The following PHKB variants were observed in gnomAD, a reference collection of about 807,000 sequenced individuals.
PHKB encodes phosphorylase b kinase regulatory subunit beta.
PHKB carries 122 observed loss-of-function variants against 152.1 expected under a neutral mutation model. The observed-to-expected ratio is 0.80, with a 90% CI of 0.69 to 0.93. The LOEUF (loss-of-function observed/expected upper bound fraction) is 0.93. Ranked by LOEUF, PHKB falls within the 40% of genes least tolerant of loss-of-function variation. The pLI, the probability that PHKB is intolerant of heterozygous loss-of-function variation, is 0.00. For missense variants in PHKB, 1,304 were observed against 1,328.4 expected (o/e 0.98, Z 0.29); for synonymous variants, 436 against 464.9 (o/e 0.94, Z 0.80).
intron 20 of PHKB, among the ~76,000 whole-genome samples, chr16:47,658,458 A>G (rs1294850172): frequency 1.3e-5 from 2 of 152,026 alleles, no homozygotes; most frequent in African/African-American, 4.8e-5. Flanking sequence ...AAATACATAT[A>G]TGTAGTATTA....
chr16:47,628,418 G>A (rs1972751666), intron 14 of PHKB, among the ~76,000 whole-genome samples: 1 of 152,238 alleles, frequency 6.6e-6, no homozygotes, highest in East Asian at 1.9e-4. Context: ...TGCAGTCCCA[G>A]CTACTTGGGA....
chr16:47,513,438 A>C (rs1970543615), intron 5 of PHKB, among the ~76,000 whole-genome samples: 1 of 152,134 alleles, frequency 6.6e-6, no homozygotes, highest in Admixed American at 6.5e-5. Context: ...AGTCTAAAAA[A>C]CCTAAAAGAT....
intron 3 of PHKB, among the ~76,000 whole-genome samples, chr16:47,500,332 C>T (rs1970304348): frequency 6.6e-6 from 1 of 152,146 alleles, no homozygotes; most frequent in African/African-American, 2.4e-5. Flanking sequence ...CCATGCCCAG[C>T]CTAAACCGTT....
rs200631394 is a variant in PHKB, at chr16:47,610,954, G to A, written c.1458+34G>A. ...TTATTCTATTTCTTGATTTAGACTC[G>A]TCCAGAGACATTTAAGCTTAATTGA... On this transcript the variant is annotated intron_variant, in intron 14 of 30. Coordinates refer to ENST00000323584, the MANE Select transcript of PHKB (RefSeq NM_000293.3). 6.4e-5 allele frequency: 81 copies of A among 1,265,612 alleles called. No individual in the cohort carries two copies. The African/African-American group carries it at 7.6e-4, about 12-fold the overall frequency. 78.4% of individuals were successfully genotyped at this position (1,265,612 alleles called of 1,614,324 possible). A position where few individuals can be genotyped will look rare whatever the true frequency, so the allele number is the denominator to read the frequency against.
At position 47,669,415 on chromosome 16, in the gene PHKB, C is replaced by T. The variant is rs17812908; in HGVS notation, c.2628C>T (p.Ile876=). 1.4e-5 allele frequency: 22 copies of T among 1,613,492 alleles called. No homozygotes were observed. The highest frequency in any genetic ancestry group is 1.2e-4 in the African/African-American group (9 of 74,880). ...TCAGTGGCATGCTGAAAATACGAATCGGGTGAGTGAAGTCCTTTGCATTTG... is the reference window on the plus strand; with the variant it reads ...TCAGTGGCATGCTGAAAATACGAATTGGGTGAGTGAAGTCCTTTGCATTTG... ...ELFSGMLKIR[I]GWIIHAMEYE... Residue 876 remains isoleucine (I), a splice_region_variant and synonymous_variant, in exon 26 of 31, where the codon ATC becomes ATT. Transcript: ENST00000323584.
chr16:47,638,643 G>A lies in PHKB; in HGVS notation c.1459-2392G>A, dbSNP rs918349052. On this transcript the variant is annotated intron_variant, in intron 14 of 30. Transcript: ENST00000323584. ...AAAGATACCAGTAAAATACTTTTAC[G>A]TGATAATAAACACACATGTGAAAAC... 3.9e-5 allele frequency among the ~76,000 whole-genome samples: 6 copies of A among 152,262 alleles called. No homozygotes were observed. In the East Asian group the frequency reaches 5.8e-4, roughly 15 times the overall value.
At chr16:47,469,463 G>T (rs1969726309) in intron 1 of PHKB, among the ~76,000 whole-genome samples, 1 of 152,142 alleles carries the variant, frequency 6.6e-6, no homozygotes, top group Non-Finnish European at 1.5e-5. Flanking sequence ...CATGAATACA[G>T]CTGGAGGCCA....
chr16:47,540,360 C>A (rs917614452), intron 6 of PHKB, among the ~76,000 whole-genome samples: 4 of 150,410 alleles, frequency 2.7e-5, no homozygotes, highest in Admixed American at 1.3e-4. Flanking sequence ...GAACATAGAC[C>A]CTTATCAGTA....
chr16:47,629,626 G>A (rs1005768786), intron 14 of PHKB, among the ~76,000 whole-genome samples: 1 of 151,098 alleles, frequency 6.6e-6, no homozygotes, highest in Non-Finnish European at 1.5e-5. Context: ...CGATTCCTCA[G>A]GGATCTAGAA....
intron 6 of PHKB, among the ~76,000 whole-genome samples, chr16:47,518,309 T>C (rs1399574494): frequency 7.2e-5 from 11 of 152,210 alleles, no homozygotes; most frequent in Admixed American, 7.2e-4. Flanking sequence ...TAATGAAATA[T>C]AGGTACTGCA....
chr16:47,667,472 A>C (rs939541773), intron 25 of PHKB, among the ~76,000 whole-genome samples: 1 of 152,156 alleles, frequency 6.6e-6, no homozygotes, highest in Non-Finnish European at 1.5e-5. Flanking sequence ...CCTAAGAAAA[A>C]GTTAAATCAC....
chr16:47,463,706 A>T, intron 1 of PHKB: 1 of 554,226 alleles, frequency 1.8e-6, no homozygotes, highest in Non-Finnish European at 3.2e-6. Flanking sequence ...TCTCATCCAT[A>T]TGAGCAAGTG....
At chr16:47,468,975 C>T (rs1340758919) in intron 1 of PHKB, among the ~76,000 whole-genome samples, 1 of 152,142 alleles carries the variant, frequency 6.6e-6, no homozygotes, top group Non-Finnish European at 1.5e-5. Flanking sequence ...GCTTTTTCTG[C>T]CCACCCAATC....
At position 47,663,885 on chromosome 16, in the gene PHKB, G is replaced by A; in HGVS notation, c.2336+151G>A. On this transcript the variant is annotated intron_variant, in intron 24 of 30. Transcript: ENST00000323584. The stretch of plus-strand genomic sequence containing the variant: ...CAGCACTTTCTAAGAATGTGCCTAT[G>A]TAGCATGTCTGTCCCCCCACTGCCT... 7.4e-6 allele frequency: 5 copies of A among 671,390 alleles called. 1 individual carries two copies. Among genetic ancestry groups the A allele is most frequent in the South Asian group, 6.7e-5 (4 of 59,732 alleles). 41.6% of individuals were successfully genotyped at this position (671,390 alleles called of 1,614,324 possible). A position where few individuals can be genotyped will look rare whatever the true frequency, so the allele number is the denominator to read the frequency against.
intron 13 of PHKB, among the ~76,000 whole-genome samples, chr16:47,608,858 C>A (rs1318675277): frequency 5.3e-5 from 8 of 152,184 alleles, no homozygotes; most frequent in African/African-American, 4.8e-5. Context: ...TTACCATAGC[C>A]TTTGTCCTTT....
At chr16:47,588,767 T>C in intron 9 of PHKB, 138 bp from the exon 10 acceptor site, 1 of 725,738 alleles carries the variant, frequency 1.4e-6, no homozygotes, top group South Asian at 1.5e-5. Flanking sequence ...CATAGAAACA[T>C]CTGTCTGATC....
At chr16:47,659,880 T>A (rs1973407033) in intron 20 of PHKB, among the ~76,000 whole-genome samples, 1 of 151,958 alleles carries the variant, frequency 6.6e-6, no homozygotes, top group South Asian at 2.1e-4. Flanking sequence ...TTATTTATTT[T>A]TTGAGACGGA....
At chr16:47,642,188 A>T (rs566907994) in intron 16 of PHKB, among the ~76,000 whole-genome samples, 120 of 152,162 alleles carry the variant, frequency 7.9e-4, no homozygotes, top group African/African-American at 2.7e-3. Context: ...AATATTTTTG[A>T]TATTCACTAC....
At chr16:47,511,018 C>T (rs1272602660) in intron 4 of PHKB, among the ~76,000 whole-genome samples, 1 of 152,024 alleles carries the variant, frequency 6.6e-6, no homozygotes, top group African/African-American at 2.4e-5. Flanking sequence ...ATTTTTTGGT[C>T]CCCAGAGTTT....
Sources: gnomAD v4.1 joint callset for allele counts (sites outside exome capture counted in the v4.1 genomes callset) on GRCh38, gnomAD v4.1.1 for gene constraint, MANE v1.5 for transcripts, NCBI Gene and HGNC (gene_info 2026-07-23, HGNC 2026-07-21) for gene names.